SH3BGR: variants seen among roughly 807,000 people sequenced by gnomAD.
SH3BGR encodes SH3 domain binding glutamate rich protein.
A neutral mutation model predicts 24.5 loss-of-function variants in SH3BGR; 29 were observed. That is an observed-to-expected ratio of 1.18 (90% CI 0.88 to 1.61). The LOEUF is 1.61. SH3BGR is among the 40% of genes most tolerant of loss of function. SH3BGR has a pLI of 0.00. For missense variants in SH3BGR, 162 were observed against 205.8 expected, an observed-to-expected ratio of 0.79 and a Z score of 1.30; for synonymous variants, 55 against 65.7, an observed-to-expected ratio of 0.84 and a Z score of 0.79.
chr21:39,508,481 G>T (rs988150509), intron 4 of SH3BGR, among the ~76,000 whole-genome samples: 30 of 152,304 alleles, frequency 2.0e-4, no homozygotes, highest in African/African-American at 7.0e-4. Flanking sequence ...TCTTTACCCA[G>T]AAATCAGTAT....
rs1325589625 is a variant in SH3BGR at position 39,511,219 on chromosome 21, G to A, written c.436-461G>A. Among the ~76,000 whole-genome samples, 6 of 149,670 alleles carry A rather than the reference G, an allele frequency of 4.0e-5. No individual in the cohort carries two copies. The highest frequency in any genetic ancestry group is 5.9e-5 in the Non-Finnish European group (4 of 67,282). ...TTTGGTGTGTGTGTGTGTGATGTGTGTTATGGTGTGTATGTTATGGTGTGG... is the reference window on the plus strand; with the variant it reads ...TTTGGTGTGTGTGTGTGTGATGTGTATTATGGTGTGTATGTTATGGTGTGG... On this transcript the variant is annotated intron_variant, in intron 5 of 6. Coordinates refer to ENST00000333634, the MANE Select transcript of SH3BGR (RefSeq NM_007341.3). The surrounding 1 kb of genome is among the most constrained non-coding windows in gnomAD (Gnocchi z 4.2).
At chr21:39,502,770 A>G (rs753690700) in intron 4 of SH3BGR, among the ~76,000 whole-genome samples, 3 of 151,576 alleles carry the variant, frequency 2.0e-5, no homozygotes, top group Non-Finnish European at 2.9e-5. Context: ...CATGGGCCAG[A>G]CCCTCTGTTC....
chr21:39,484,374 C>T (rs1674436307), intron 3 of SH3BGR, among the ~76,000 whole-genome samples: 1 of 152,110 alleles, frequency 6.6e-6, no homozygotes, highest in African/African-American at 2.4e-5. Context: ...AGATATTCAG[C>T]ACCATTCTTC....
intron 4 of SH3BGR, among the ~76,000 whole-genome samples, chr21:39,502,945 C>T (rs1368860329): frequency 1.3e-5 from 2 of 151,850 alleles, no homozygotes; most frequent in Non-Finnish European, 2.9e-5. Context: ...TCCTTCTTTC[C>T]TCCCCAGTCT....
chr21:39,505,457 C>G lies in SH3BGR; in HGVS notation c.406-3541C>G, dbSNP rs550932962. Among the ~76,000 whole-genome samples the G allele has an allele frequency of 1.3e-4, 20 of 152,272 alleles. No homozygotes were observed. The South Asian group carries it at 4.1e-3, about 32-fold the overall frequency. On this transcript the variant is annotated intron_variant, in intron 4 of 6. Coordinates refer to ENST00000333634, the MANE Select transcript of SH3BGR (RefSeq NM_007341.3). ...ATCTTTTAAGAAATTAAGGTCAATT[C>G]AGATATTGATAAAGAGTGCTAGGAG...
chr21:39,474,693 G>C (rs1327882487), intron 2 of SH3BGR, among the ~76,000 whole-genome samples: 1 of 152,128 alleles, frequency 6.6e-6, no homozygotes, highest in Non-Finnish European at 1.5e-5. Context: ...TTCGTATTGG[G>C]AGGGCCTGAG....
intron 4 of SH3BGR, 84 bp downstream of exon 4, chr21:39,499,999 G>T: frequency 1.0e-6 from 1 of 980,338 alleles, no homozygotes; most frequent in Non-Finnish European, 1.6e-6. Context: ...TTGACTCTGG[G>T]CACAAGCAGT....
At chr21:39,490,143 A>G (rs540403987) in intron 3 of SH3BGR, among the ~76,000 whole-genome samples, 31 of 152,372 alleles carry the variant, frequency 2.0e-4, no homozygotes, top group Non-Finnish European at 3.5e-4. Context: ...ACTATTATGA[A>G]TAGGAAACTA....
chr21:39,512,992 A>G (rs1218014375), intron 6 of SH3BGR, among the ~76,000 whole-genome samples: 1 of 152,162 alleles, frequency 6.6e-6, no homozygotes, highest in Non-Finnish European at 1.5e-5. Context: ...CTCTGGAGCT[A>G]TAAGCGTTTT....
intron 3 of SH3BGR, among the ~76,000 whole-genome samples, chr21:39,485,806 G>A (rs965353506): frequency 4.0e-5 from 6 of 151,112 alleles, no homozygotes; most frequent in Non-Finnish European, 8.8e-5. Flanking sequence ...TCCTGCCTCA[G>A]CCTCCTGCGT....
At chr21:39,470,419 C>T (rs1049383118) in intron 2 of SH3BGR, among the ~76,000 whole-genome samples, 1 of 152,046 alleles carries the variant, frequency 6.6e-6, no homozygotes, top group African/African-American at 2.4e-5. Flanking sequence ...CCACCATGCC[C>T]TGCTAATTTT....
chr21:39,471,407 C>T (rs1437039604), intron 2 of SH3BGR, among the ~76,000 whole-genome samples: 1 of 151,966 alleles, frequency 6.6e-6, no homozygotes, highest in East Asian at 1.9e-4. Context: ...CATAGTGAGA[C>T]CTTGTCTCAA....
chr21:39,509,948 T>A (rs2078648186), intron 5 of SH3BGR, among the ~76,000 whole-genome samples: 1 of 145,698 alleles, frequency 6.9e-6, no homozygotes, highest in African/African-American at 2.6e-5. Flanking sequence ...TTTGTTAACT[T>A]TTTTTTTTTT....
chr21:39,484,586 A>G (rs1329803676), intron 3 of SH3BGR, among the ~76,000 whole-genome samples: 1 of 152,172 alleles, frequency 6.6e-6, no homozygotes, highest in Non-Finnish European at 1.5e-5. Flanking sequence ...CATATTATAT[A>G]AAACTCTTGT....
chr21:39,477,993 G>A (rs575693254), intron 3 of SH3BGR, among the ~76,000 whole-genome samples: 11 of 151,054 alleles, frequency 7.3e-5, no homozygotes, highest in African/African-American at 2.4e-4. Flanking sequence ...CTTTTTTTTT[G>A]TGGTGAGAAC....
At chr21:39,492,443 G>GGGGTGTGTGT in intron 3 of SH3BGR, among the ~76,000 whole-genome samples, 1 of 136,638 alleles carries the variant, frequency 7.3e-6, no homozygotes, top group African/African-American at 2.8e-5. Flanking sequence ...AGTTTCCCTT[G>GGGGTGTGTGT]GTGTGTGTGT....
upstream of SH3BGR, chr21:39,451,759 G>A: frequency 1.0e-6 from 1 of 989,704 alleles, no homozygotes; most frequent in Non-Finnish European, 1.5e-6. Flanking sequence ...GTCTCCGATT[G>A]GTGCACAGCA....
At chr21:39,458,135 A>G (rs76082742) in intron 1 of SH3BGR, among the ~76,000 whole-genome samples, 27,447 of 152,060 alleles carry the variant, frequency 0.18, 2,606 homozygotes, top group Middle Eastern at 0.27. Flanking sequence ...CTTTTACAGC[A>G]TTTGTTTGAA....
chr21:39,472,823 C>T (rs925606758), intron 2 of SH3BGR, among the ~76,000 whole-genome samples: 4 of 152,058 alleles, frequency 2.6e-5, no homozygotes, highest in African/African-American at 4.8e-5. Flanking sequence ...CCCAGCTTGA[C>T]GAGGCTCCGG....
Sources: allele counts gnomAD v4.1 joint callset (sites outside exome capture counted in the v4.1 genomes callset), GRCh38; gene constraint gnomAD v4.1.1; non-coding constraint Gnocchi (gnomAD v3.1); transcripts MANE v1.5; gene names NCBI Gene and HGNC (gene_info 2026-07-23, HGNC 2026-07-21).